Variants in HDGFL3 observed in about 807,000 individuals in gnomAD.
HDGFL3 encodes the protein hepatoma-derived growth factor-related protein 3.
A neutral mutation model predicts 27.6 loss-of-function variants in HDGFL3; 6 were observed. The observed-to-expected ratio is 0.22, with a 90% CI of 0.12 to 0.43. HDGFL3 has a LOEUF of 0.43. Among genes scored for constraint, HDGFL3 ranks in the 20% least tolerant of loss-of-function variants. The probability of loss-of-function intolerance (pLI) is 1.00; values close to 1 mark genes in which losing one functional copy is unlikely to be tolerated. For missense variants in HDGFL3, 207 were observed against 250.1 expected (o/e 0.83, Z 1.16); for synonymous variants, 88 against 88.9 (o/e 0.99, Z 0.05).
At chr15:83,180,389 A>C (rs1197027594) in intron 1 of HDGFL3, among the ~76,000 whole-genome samples, 1 of 152,168 alleles carries the variant, frequency 6.6e-6, no homozygotes, top group Non-Finnish European at 1.5e-5. Context: ...CTGACAAAAA[A>C]CGTAGAGAAA....
chr15:83,161,596 AG>A (rs1287207697), intron 2 of HDGFL3, among the ~76,000 whole-genome samples: 1 of 152,200 alleles, frequency 6.6e-6, no homozygotes, highest in East Asian at 1.9e-4. Flanking sequence ...TTCCTGCTAC[AG>A]GAAGCATTCT....
chr15:83,147,063 T>G (rs1436154839), intron 5 of HDGFL3, among the ~76,000 whole-genome samples: 1 of 151,714 alleles, frequency 6.6e-6, no homozygotes, highest in Admixed American at 6.6e-5. Flanking sequence ...ATCTTATACC[T>G]TCTTTCTTTT....
chr15:83,184,923 A>G (rs1314500581), intron 1 of HDGFL3: 1 of 152,266 alleles, frequency 6.6e-6, no homozygotes, highest in African/African-American at 2.4e-5. Context: ...CTCTCGTACA[A>G]CAACAAACAG....
intron 1 of HDGFL3, among the ~76,000 whole-genome samples, chr15:83,206,947 G>T (rs2037724759): frequency 6.6e-6 from 1 of 152,190 alleles, no homozygotes; most frequent in Non-Finnish European, 1.5e-5. Context: ...TGCCGTACCT[G>T]CCCCGACGTT....
intron 5 of HDGFL3, 140 bp from the exon 6 acceptor site, chr15:83,139,415 G>A (rs1329842515): frequency 2.9e-5 from 13 of 452,140 alleles, no homozygotes; most frequent in Non-Finnish European, 5.1e-5. Flanking sequence ...AATACTTACT[G>A]AGCAAGAGCA....
In HDGFL3 at chr15:83,119,726, G is replaced by A. The variant is rs1195663562; in HGVS notation, c.394-3985C>T. 1.9e-6 allele frequency: 3 copies of A among 1,611,960 alleles called. No homozygotes were observed. The Admixed American group carries it at 5.0e-5, about 27-fold the overall frequency. On this transcript the variant is annotated intron_variant, in intron 3 of 3. Coordinates refer to the HDGFL3 transcript ENST00000568294. ...GTGTGCCTTTGCCACCTTAGCAACC[G>A]ATAAGCGGGTATGTAAGGAAACGTT... is the stretch of plus-strand genomic sequence containing the variant.
chr15:83,164,367 CAAAAAAAAA>C (rs869303457), intron 1 of HDGFL3, among the ~76,000 whole-genome samples: 20 of 38,394 alleles, frequency 5.2e-4, no homozygotes, highest in South Asian at 2.6e-3. Context: ...TTAGAGTAAC[CAAAAAAAAA>C]AAAAAAAAAA....
Position 83,160,816 on chromosome 15 carries a change from C to A in HDGFL3, c.162-2775G>T, listed in dbSNP as rs147709439. Reference sequence around the variant, plus strand: ...AGGGTTGATCCCTCGCATTGTGCAGCTGATCAAAAACTTCAAGTTCATTAA... The same window carrying A: ...AGGGTTGATCCCTCGCATTGTGCAGATGATCAAAAACTTCAAGTTCATTAA... On this transcript the variant is annotated intron_variant, in intron 2 of 5. Coordinates refer to ENST00000299633, the MANE Select transcript of HDGFL3 (RefSeq NM_016073.4). Among the ~76,000 whole-genome samples, 27 of 152,286 alleles carry A rather than the reference C, an allele frequency of 1.8e-4. No homozygotes were observed. In the East Asian group the frequency reaches 4.8e-3, roughly 27 times the overall value.
rs570212706 is a variant in HDGFL3, at chr15:83,135,349, T to C, written c.*3921A>G. On this transcript the variant is annotated 3_prime_UTR_variant, in exon 6 of 6. Coordinates refer to ENST00000299633, the MANE Select transcript of HDGFL3 (RefSeq NM_016073.4). The stretch of plus-strand genomic sequence containing the variant: ...AGAAATGTAAAATAACTTATATGTA[T>C]TTAAAGCAAATTATCTAGTTCTTCA... 1 of 152,368 alleles carries C rather than the reference T, an allele frequency of 6.6e-6. No individual in the cohort carries two copies. The highest frequency in any genetic ancestry group is 2.1e-4 in the South Asian group (1 of 4,826). 9.4% of individuals were successfully genotyped at this position (152,368 alleles called of 1,614,324 possible). A position where few individuals can be genotyped will look rare whatever the true frequency, so the allele number is the denominator to read the frequency against.
chr15:83,185,753 T>C (rs1304427241), intron 1 of HDGFL3, among the ~76,000 whole-genome samples: 1 of 152,214 alleles, frequency 6.6e-6, no homozygotes, highest in Admixed American at 6.5e-5. Flanking sequence ...ATCCCCACTC[T>C]TGATATTCAT....
At position 83,127,791 on chromosome 15, in the gene HDGFL3, T is replaced by A. The variant is rs1166294082; in HGVS notation, c.*11479A>T. On this transcript the variant is annotated 3_prime_UTR_variant, in exon 6 of 6. Coordinates refer to ENST00000299633, the MANE Select transcript of HDGFL3 (RefSeq NM_016073.4). ...TTTTATTGGACTGTTTCACAATCTCTGAATACCATGGCTACTAAAAAAGGA... is the reference window on the plus strand; with the variant it reads ...TTTTATTGGACTGTTTCACAATCTCAGAATACCATGGCTACTAAAAAAGGA... The A allele has an allele frequency of 3.4e-6, 1 of 292,918 alleles. No individual in the cohort carries two copies. The highest frequency in any genetic ancestry group is 1.2e-4 in the East Asian group (1 of 8,390). 18.1% of individuals were successfully genotyped at this position (292,918 alleles called of 1,614,324 possible).
At chr15:83,112,977 T>C in exon 4 of HDGFL3, 1 of 1,237,940 alleles carries the variant, frequency 8.1e-7, no homozygotes, top group South Asian at 1.2e-5. Context: ...ATATTCCTCC[T>C]TGGTTGTGAA....
At chr15:83,179,536 A>T (rs1229082181) in intron 1 of HDGFL3, among the ~76,000 whole-genome samples, 4 of 152,178 alleles carry the variant, frequency 2.6e-5, no homozygotes. Flanking sequence ...TAAGAACCAG[A>T]GGGCTAGGCA....
intron 5 of HDGFL3, chr15:83,144,471 T>G: frequency 2.2e-6 from 1 of 456,152 alleles, no homozygotes; most frequent in Non-Finnish European, 4.4e-6. Context: ...GACTGACTTC[T>G]GTTTGCCAGC....
intron 3 of HDGFL3, 150 bp downstream of exon 3, chr15:83,157,753 G>T: frequency 1.1e-6 from 1 of 944,224 alleles, no homozygotes; most frequent in Non-Finnish European, 1.6e-6. Flanking sequence ...TTCTGATTAA[G>T]AATTACATTT....
intron 1 of HDGFL3, among the ~76,000 whole-genome samples, chr15:83,200,173 C>T (rs2037625356): frequency 6.6e-6 from 1 of 151,406 alleles, no homozygotes; most frequent in African/African-American, 2.4e-5. Context: ...GAAACCCCAT[C>T]TCTACTAAAA....
intron 4 of HDGFL3, among the ~76,000 whole-genome samples, chr15:83,153,212 G>A (rs2036986267): frequency 6.6e-6 from 1 of 152,052 alleles, no homozygotes; most frequent in South Asian, 2.1e-4. Flanking sequence ...GTGTTAGCCA[G>A]GATGGTCTCG....
At position 83,115,777 on chromosome 15, in the gene HDGFL3, T is replaced by A. The variant is rs1243295824; in HGVS notation, c.394-36A>T. On this transcript the variant is annotated intron_variant, in intron 3 of 3. Coordinates refer to the HDGFL3 transcript ENST00000568294. ...TGAAAAACATTCCATTATTATTAGC[T>A]GATGCCAAGCTTGTAGTAATTGTCT... is the stretch of plus-strand genomic sequence containing the variant. 5 of 1,024,872 alleles carry A rather than the reference T, an allele frequency of 4.9e-6. No homozygotes were observed. The African/African-American group carries it at 7.8e-5, about 16-fold the overall frequency. 63.5% of individuals were successfully genotyped at this position (1,024,872 alleles called of 1,614,324 possible). A position where few individuals can be genotyped will look rare whatever the true frequency, so the allele number is the denominator to read the frequency against.
chr15:83,181,842 T>TCCA (rs1205765554), intron 1 of HDGFL3, among the ~76,000 whole-genome samples: 1 of 152,164 alleles, frequency 6.6e-6, no homozygotes, highest in East Asian at 1.9e-4. Context: ...ACCCTCCTCC[T>TCCA]CCACAATCCT....
Sources: gnomAD v4.1 joint callset for allele counts (sites outside exome capture counted in the v4.1 genomes callset) on GRCh38, gnomAD v4.1.1 for gene constraint, MANE v1.5 for transcripts, NCBI Gene and HGNC (gene_info 2026-07-23, HGNC 2026-07-21) for gene names.